The following CNTLN variants were observed in gnomAD, a reference collection of about 807,000 sequenced individuals.
The protein encoded by CNTLN is centlein, centrosomal protein.
CNTLN carries 212 observed loss-of-function variants against 180.0 expected under a neutral mutation model. The ratio of observed to expected loss-of-function variants is 1.18; its 90% CI spans 1.05 to 1.32. CNTLN has a LOEUF of 1.32. CNTLN is among the 40% of genes most tolerant of loss of function. The pLI is 0.00. For missense variants in CNTLN, 2,095 were observed against 1,610.9 expected, an observed-to-expected ratio of 1.30 and a Z score of -5.14; for synonymous variants, 722 against 563.1, an observed-to-expected ratio of 1.28 and a Z score of -3.99.
At chr9:17,417,098 C>A (rs530368849) in intron 18 of CNTLN, among the ~76,000 whole-genome samples, 3 of 152,104 alleles carry the variant, frequency 2.0e-5, no homozygotes, top group Admixed American at 2.0e-4. Context: ...TTCCAACTTA[C>A]ACCAGAAGTT....
At chr9:17,439,462 A>ATTTT (rs1829981327) in intron 18 of CNTLN, among the ~76,000 whole-genome samples, 1 of 152,192 alleles carries the variant, frequency 6.6e-6, no homozygotes, top group Non-Finnish European at 1.5e-5. Flanking sequence ...TAATGGGTCA[A>ATTTT]AGAAGAAAAC....
In CNTLN at chr9:17,154,828, A is replaced by G. The variant is rs141177026; in HGVS notation, c.449+11452A>G. The stretch of plus-strand genomic sequence containing the variant: ...GTGGGCGGGGCCAAATAAGGGAATA[A>G]AAGCTGGCCATCTGAGCCAGCAGGG... On this transcript the variant is annotated intron_variant, in intron 2 of 25. Transcript: ENST00000380647. 4.1e-3 allele frequency among the ~76,000 whole-genome samples: 626 copies of G among 152,300 alleles called. 4 individuals are homozygous for G. Among genetic ancestry groups the G allele is most frequent in the African/African-American group, 0.014 (599 of 41,560 alleles).
chr9:17,349,227 T>C (rs1564017088), intron 12 of CNTLN, among the ~76,000 whole-genome samples: 3 of 152,186 alleles, frequency 2.0e-5, no homozygotes, highest in Non-Finnish European at 4.4e-5. Context: ...GCAGGAGGAA[T>C]AGAGATAAAT....
intron 15 of CNTLN, among the ~76,000 whole-genome samples, chr9:17,405,480 T>C (rs564131439): frequency 2.0e-5 from 3 of 151,890 alleles, no homozygotes; most frequent in East Asian, 1.9e-4. Flanking sequence ...AGGAGCCTGA[T>C]AGAGCAAGAG....
chr9:17,425,655 G>T (rs1829031796), intron 18 of CNTLN, among the ~76,000 whole-genome samples: 1 of 152,108 alleles, frequency 6.6e-6, no homozygotes, highest in South Asian at 2.1e-4. Context: ...CGTAGGTTAA[G>T]GGTGATTCTA....
At chr9:17,237,018 G>A (rs908328454) in intron 5 of CNTLN, among the ~76,000 whole-genome samples, 13 of 152,012 alleles carry the variant, frequency 8.6e-5, no homozygotes, top group African/African-American at 2.7e-4. Flanking sequence ...TGGTTCTATG[G>A]TGGTGCTTTC....
intron 2 of CNTLN, among the ~76,000 whole-genome samples, chr9:17,204,719 T>C (rs925696918): frequency 2.0e-5 from 3 of 152,142 alleles, no homozygotes; most frequent in Admixed American, 1.3e-4. Flanking sequence ...GAATCACTAT[T>C]GTCAGGATCA....
At chr9:17,309,359 A>G in intron 8 of CNTLN, 107 bp downstream of exon 8, 1 of 894,806 alleles carries the variant, frequency 1.1e-6, no homozygotes, top group East Asian at 2.6e-5. Context: ...TTATTGGAGT[A>G]TAAGAAGTGT....
chr9:17,247,989 C>A (rs1357257202), intron 5 of CNTLN, among the ~76,000 whole-genome samples: 2 of 151,866 alleles, frequency 1.3e-5, no homozygotes, highest in East Asian at 3.9e-4. Flanking sequence ...AGCCATCAAG[C>A]CTTGCTAATT....
chr9:17,163,117 C>T (rs1211364019), intron 2 of CNTLN, among the ~76,000 whole-genome samples: 2 of 152,126 alleles, frequency 1.3e-5, no homozygotes, highest in African/African-American at 4.8e-5. Flanking sequence ...CAGTGGAACT[C>T]GCTTTTATAA....
At chr9:17,148,182 C>G (rs1385316950) in intron 2 of CNTLN, among the ~76,000 whole-genome samples, 2 of 152,174 alleles carry the variant, frequency 1.3e-5, no homozygotes, top group African/African-American at 2.4e-5. Flanking sequence ...TCTATTCTCT[C>G]TCTCCTTCTA....
intron 8 of CNTLN, among the ~76,000 whole-genome samples, chr9:17,314,536 T>C (rs1714429170): frequency 6.6e-6 from 1 of 152,220 alleles, no homozygotes; most frequent in Non-Finnish European, 1.5e-5. Flanking sequence ...ACAGTTCATT[T>C]ATGAGTTCAT....
rs931462575 is a variant in CNTLN at position 17,294,303 on chromosome 9, A to T, written c.984-3887A>T. ...TATTGTCTTATCTGGCCCCACCCAC[A>T]TCCTGCTGATTGGTCCATTTTACAG... On this transcript the variant is annotated intron_variant, in intron 6 of 25. Coordinates refer to ENST00000380647, the MANE Select transcript of CNTLN (RefSeq NM_017738.4). Among the ~76,000 whole-genome samples, 5 of 151,968 alleles carry T rather than the reference A, an allele frequency of 3.3e-5. No homozygotes were observed. The South Asian group carries it at 6.2e-4, about 19-fold the overall frequency.
chr9:17,365,326 T>C (rs1047731755), intron 12 of CNTLN, among the ~76,000 whole-genome samples: 1 of 152,184 alleles, frequency 6.6e-6, no homozygotes, highest in Non-Finnish European at 1.5e-5. Context: ...GCCATGAATG[T>C]TAAGTTTCAT....
Position 17,420,584 on chromosome 9 carries a change from T to C in CNTLN, c.3114+4395T>C, listed in dbSNP as rs1162030498. On this transcript the variant is annotated intron_variant, in intron 18 of 25. Coordinates refer to ENST00000380647, the MANE Select transcript of CNTLN (RefSeq NM_017738.4). ...CTTCTCTGATCTTTATTATTTCTTT[T>C]CTTCTACTAATTTTGGGTTTGGTTT... Among the ~76,000 whole-genome samples the C allele has an allele frequency of 2.0e-5, 3 of 152,094 alleles. No individual in the cohort carries two copies. In the East Asian group the frequency reaches 5.8e-4, roughly 29 times the overall value.
intron 2 of CNTLN, among the ~76,000 whole-genome samples, chr9:17,188,453 A>G (rs948983375): frequency 2.0e-5 from 3 of 152,180 alleles, no homozygotes; most frequent in African/African-American, 7.2e-5. Context: ...TTTTTTTGGC[A>G]TTCTTTGCAA....
intron 5 of CNTLN, among the ~76,000 whole-genome samples, chr9:17,245,838 C>G (rs1244870666): frequency 6.6e-6 from 1 of 151,852 alleles, no homozygotes; most frequent in African/African-American, 2.4e-5. Context: ...CTGATGCATT[C>G]TTTAATATGT....
At chr9:17,150,374 G>A (rs1414365187) in intron 2 of CNTLN, among the ~76,000 whole-genome samples, 1 of 152,214 alleles carries the variant, frequency 6.6e-6, no homozygotes, top group Non-Finnish European at 1.5e-5. Flanking sequence ...CATATGGCTA[G>A]CCAGTTTTCC....
intron 2 of CNTLN, among the ~76,000 whole-genome samples, chr9:17,225,560 A>T (rs1309139848): frequency 6.6e-6 from 1 of 152,056 alleles, no homozygotes; most frequent in Non-Finnish European, 1.5e-5. Context: ...GCCTGATTAT[A>T]CAGTCTCTTC....
Sources: gnomAD v4.1 joint callset for allele counts (sites outside exome capture counted in the v4.1 genomes callset) on GRCh38, gnomAD v4.1.1 for gene constraint, MANE v1.5 for transcripts, NCBI Gene and HGNC (gene_info 2026-07-23, HGNC 2026-07-21) for gene names.